The following ESRRA variants were observed in gnomAD, a reference collection of about 807,000 sequenced individuals.
ESRRA encodes estrogen related receptor alpha.
Under a neutral mutation model 35.6 loss-of-function variants are expected in ESRRA, and 7 were observed. The ratio of observed to expected loss-of-function variants is 0.20; its 90% confidence interval spans 0.11 to 0.37. The LOEUF is 0.37. Ranked by LOEUF, ESRRA falls within the 10% of genes least tolerant of loss-of-function variation. ESRRA has a pLI of 1.00. For missense variants in ESRRA, 378 were observed against 561.7 expected, an observed-to-expected ratio of 0.67 and a Z score of 3.31; for synonymous variants, 223 against 246.9, an observed-to-expected ratio of 0.90 and a Z score of 0.91.
intron 2 of ESRRA, among the ~76,000 whole-genome samples, chr11:64,308,504 C>A: frequency 8.4e-6 from 1 of 119,018 alleles, no homozygotes; most frequent in Non-Finnish European, 1.7e-5. Context: ...GCCTGGGTGA[C>A]AGAGCGAGAT....
intron 4 of ESRRA, 110 bp from the exon 5 acceptor site, chr11:64,314,631 G>T: frequency 8.8e-7 from 1 of 1,136,288 alleles, no homozygotes; most frequent in South Asian, 1.5e-5. Flanking sequence ...GAAGTCACTG[G>T]ACAGCTGCTA....
At chr11:64,310,754 GC>G (rs2135253894) in intron 2 of ESRRA, among the ~76,000 whole-genome samples, 1 of 151,868 alleles carries the variant, frequency 6.6e-6, no homozygotes, top group South Asian at 2.1e-4. Flanking sequence ...CACCATGTTG[GC>G]CAGGCTGGCC....
In ESRRA at chr11:64,316,097, C is replaced by A. The variant is rs2035253442; in HGVS notation, c.*131C>A. 28 of 1,142,924 alleles carry A rather than the reference C, an allele frequency of 2.4e-5. No individual in the cohort carries two copies. In the South Asian group the frequency reaches 4.2e-4, roughly 17 times the overall value. 70.8% of individuals were successfully genotyped at this position (1,142,924 alleles called of 1,614,324 possible). A position where few individuals can be genotyped will look rare whatever the true frequency, so the allele number is the denominator to read the frequency against. ...GCAGGGCCAGGGCAATGCCATCAGCCCCTGGGAACAGGCCCCACGCCCTCT... is the reference window on the plus strand; with the variant it reads ...GCAGGGCCAGGGCAATGCCATCAGCACCTGGGAACAGGCCCCACGCCCTCT... On this transcript the variant is annotated 3_prime_UTR_variant, in exon 7 of 7. Coordinates refer to ENST00000000442, the MANE Select transcript of ESRRA (RefSeq NM_004451.5).
At position 64,305,928 on chromosome 11, in the gene ESRRA, C is replaced by T. The variant is rs1292826455; in HGVS notation, c.-13+192C>T. Among the ~76,000 whole-genome samples, 2 of 152,082 alleles carry T rather than the reference C, an allele frequency of 1.3e-5. No homozygotes were observed. The highest frequency in any genetic ancestry group is 2.4e-5 in the African/African-American group (1 of 41,412). ...TCAGGCGGGATCCGGCGTCCGAGTC[C>T]TGGTGGGCCGGCCTGGGGCAGGATC... On this transcript the variant is annotated intron_variant, in intron 1 of 6. Coordinates refer to ENST00000000442, the MANE Select transcript of ESRRA (RefSeq NM_004451.5). This position sits in a 1 kb window ranked among gnomAD's most constrained non-coding sequence, Gnocchi z 5.8.
At position 64,313,686 on chromosome 11, in the gene ESRRA, C is replaced by T. The variant is rs868161562; in HGVS notation, c.326-265C>T. 6 of 398,786 alleles carry T rather than the reference C, an allele frequency of 1.5e-5. No homozygotes were observed. The highest frequency in any genetic ancestry group is 4.0e-5 in the East Asian group (1 of 24,908). The allele number at this position is 398,786 out of a possible 1,614,324, so 24.7% of individuals were successfully genotyped here. A position where few individuals can be genotyped will look rare whatever the true frequency, so the allele number is the denominator to read the frequency against. On this transcript the variant is annotated intron_variant, in intron 2 of 6. Coordinates refer to ENST00000000442, the MANE Select transcript of ESRRA (RefSeq NM_004451.5). This position sits in a 1 kb window ranked among gnomAD's most constrained non-coding sequence, Gnocchi z 4.0. ...CAGAGGTCCTTGTGGCCCTTGATGT[C>T]GGCAGATGAGGGCAGTGTGGTCCAG...
rs1355941105 is a variant in ESRRA at position 64,307,376 on chromosome 11, G to A, written c.197G>A (p.Gly66Asp). The A allele has an allele frequency of 1.2e-6, 2 of 1,604,288 alleles. No individual in the cohort carries two copies. The highest frequency in any genetic ancestry group is 2.7e-5 in the African/African-American group (2 of 74,770). The change falls in exon 2 of 7, where the codon GGT (glycine) becomes GAT (aspartate). Residue 66 changes from glycine (G) to aspartate (D), a missense_variant. Physicochemically the swap from Gly to Asp is moderately conservative, Grantham distance 94. Transcript: ENST00000000442. ...GEGAGPGEQGGGKLVLSSLPK... is the reference protein window; with the variant it reads ...GEGAGPGEQGDGKLVLSSLPK... The stretch of plus-strand genomic sequence containing the variant: ...GGGGCTGGGCCTGGCGAGCAGGGCG[G>A]TGGGAAGCTGGTGCTCAGCTCCCTG...
chr11:64,314,227 C>T lies in ESRRA; in HGVS notation c.443-12C>T. ...CACCACAGTCACAGTCCTATCTGTC[C>T]CACAATTCAAGGAGTGCGCCTGGAC... On this transcript the variant is annotated splice_polypyrimidine_tract_variant and intron_variant, in intron 3 of 6. Transcript: ENST00000000442. 1 of 1,605,392 alleles carries T rather than the reference C, an allele frequency of 6.2e-7. No individual in the cohort carries two copies. Among genetic ancestry groups the T allele is most frequent in the South Asian group, 1.1e-5 (1 of 90,018 alleles).
Position 64,314,223 on chromosome 11 carries a change from T to C in ESRRA, c.443-16T>C, listed in dbSNP as rs1198655404. 1.9e-6 allele frequency: 3 copies of C among 1,604,114 alleles called. No individual in the cohort carries two copies. The highest frequency in any genetic ancestry group is 1.7e-6 in the Non-Finnish European group (2 of 1,176,032). On this transcript the variant is annotated splice_polypyrimidine_tract_variant and intron_variant, in intron 3 of 6. Transcript: ENST00000000442. ...ACAGCACCACAGTCACAGTCCTATC[T>C]GTCCCACAATTCAAGGAGTGCGCCT...
chr11:64,310,536 G>GTTTTTTTTTT (rs1185768710), intron 2 of ESRRA, among the ~76,000 whole-genome samples: 1 of 100,496 alleles, frequency 1.0e-5, no homozygotes, highest in African/African-American at 4.0e-5. Flanking sequence ...TCCTGGCCAG[G>GTTTTTTTTTT]TTTTTTTTTT....
intron 2 of ESRRA, among the ~76,000 whole-genome samples, chr11:64,310,383 C>T (rs761055404): frequency 3.9e-4 from 58 of 150,320 alleles, no homozygotes; most frequent in Non-Finnish European, 6.2e-4. Context: ...TACAGGTGCC[C>T]GCCACCACGC....
At position 64,313,692 on chromosome 11, in the gene ESRRA, A is replaced by G; in HGVS notation, c.326-259A>G. ...TCCTTGTGGCCCTTGATGTCGGCAG[A>G]TGAGGGCAGTGTGGTCCAGAGATGA... On this transcript the variant is annotated intron_variant, in intron 2 of 6. Transcript: ENST00000000442. This position sits in a 1 kb window ranked among gnomAD's most constrained non-coding sequence, Gnocchi z 4.0. The G allele has an allele frequency of 2.4e-6, 1 of 413,426 alleles. No individual in the cohort carries two copies. The highest frequency in any genetic ancestry group is 4.3e-6 in the Non-Finnish European group (1 of 230,690). 25.6% of individuals were successfully genotyped at this position (413,426 alleles called of 1,614,324 possible).
Position 64,313,691 on chromosome 11 carries a change from G to T in ESRRA, c.326-260G>T, listed in dbSNP as rs190389052. The stretch of plus-strand genomic sequence containing the variant: ...GTCCTTGTGGCCCTTGATGTCGGCA[G>T]ATGAGGGCAGTGTGGTCCAGAGATG... On this transcript the variant is annotated intron_variant, in intron 2 of 6. Transcript: ENST00000000442. This position sits in a 1 kb window ranked among gnomAD's most constrained non-coding sequence, Gnocchi z 4.0. 4.2e-4 allele frequency: 175 copies of T among 413,118 alleles called. No individual in the cohort carries two copies. The highest frequency in any genetic ancestry group is 2.6e-3 in the East Asian group (67 of 25,908). The allele number at this position is 413,118 out of a possible 1,614,324, so 25.6% of individuals were successfully genotyped here.
In ESRRA at chr11:64,313,915, G is replaced by A; in HGVS notation, c.326-36G>A. On this transcript the variant is annotated intron_variant, in intron 2 of 6. Transcript: ENST00000000442. The surrounding 1 kb of genome is among the most constrained non-coding windows in gnomAD (Gnocchi z 4.0). ...TCAGCTGGGTCCCCTCCCAGCCCCG[G>A]GAGGCCGCCACTGGAGCCCTGCCTC... 2 of 1,467,190 alleles carry A rather than the reference G, an allele frequency of 1.4e-6. No individual in the cohort carries two copies. The highest frequency in any genetic ancestry group is 2.5e-5 in the East Asian group (1 of 40,444). 90.9% of individuals were successfully genotyped at this position (1,467,190 alleles called of 1,614,324 possible).
At position 64,316,312 on chromosome 11, in the gene ESRRA, C is replaced by T; in HGVS notation, c.*346C>T. ...GGAAGGGGATGGAGGCCAGAGTCTC[C>T]CAGTGGGTGATGCTTTTGCTGCTGC... On this transcript the variant is annotated 3_prime_UTR_variant, in exon 7 of 7. Transcript: ENST00000000442. 3.8e-6 allele frequency: 1 copy of T among 263,648 alleles called. No individual in the cohort carries two copies. Among genetic ancestry groups the T allele is most frequent in the Non-Finnish European group, 7.4e-6 (1 of 135,750 alleles). 16.3% of individuals were successfully genotyped at this position (263,648 alleles called of 1,614,324 possible).
At chr11:64,311,873 C>T (rs2035146519) in intron 2 of ESRRA, among the ~76,000 whole-genome samples, 2 of 151,430 alleles carry the variant, frequency 1.3e-5, no homozygotes, top group South Asian at 4.2e-4. Context: ...TTAGTAGAGA[C>T]AGGGTTTCAC....
chr11:64,315,408 A>C, intron 6 of ESRRA, 138 bp downstream of exon 6: 1 of 1,113,324 alleles, frequency 9.0e-7, no homozygotes, highest in Non-Finnish European at 1.2e-6. Context: ...TAGAAGTCAA[A>C]AAGCAAGCCA....
intron 2 of ESRRA, among the ~76,000 whole-genome samples, chr11:64,311,888 T>C (rs188840262): frequency 2.8e-4 from 43 of 151,656 alleles, no homozygotes; most frequent in Non-Finnish European, 5.2e-4. Flanking sequence ...TTTCACCGTG[T>C]TGGTCAGGCT....
chr11:64,316,117 C>A lies in ESRRA; in HGVS notation c.*151C>A. On this transcript the variant is annotated 3_prime_UTR_variant, in exon 7 of 7. Transcript: ENST00000000442. The stretch of plus-strand genomic sequence containing the variant: ...TCAGCCCCTGGGAACAGGCCCCACG[C>A]CCTCTCCTCCCCCTCCTAGGGGGTG... The A allele has an allele frequency of 1.1e-6, 1 of 870,338 alleles. No homozygotes were observed. The highest frequency in any genetic ancestry group is 1.7e-6 in the Non-Finnish European group (1 of 571,434). The allele number at this position is 870,338 out of a possible 1,614,324, so 53.9% of individuals were successfully genotyped here. A position where few individuals can be genotyped will look rare whatever the true frequency, so the allele number is the denominator to read the frequency against.
Position 64,316,574 on chromosome 11 carries a change from A to C in ESRRA, c.*608A>C. Reference sequence around the variant, plus strand: ...CTATGCCCTGCAGAGCAATAACACTATATTTATTTTTGGGTTTGGCCAGGG... The same window carrying C: ...CTATGCCCTGCAGAGCAATAACACTCTATTTATTTTTGGGTTTGGCCAGGG... On this transcript the variant is annotated 3_prime_UTR_variant, in exon 7 of 7. Coordinates refer to ENST00000000442, the MANE Select transcript of ESRRA (RefSeq NM_004451.5). 1 of 364,972 alleles carries C rather than the reference A, an allele frequency of 2.7e-6. No homozygotes were observed. The allele number at this position is 364,972 out of a possible 1,614,324, so 22.6% of individuals were successfully genotyped here. A position where few individuals can be genotyped will look rare whatever the true frequency, so the allele number is the denominator to read the frequency against.
Sources: allele counts gnomAD v4.1 joint callset (sites outside exome capture counted in the v4.1 genomes callset), GRCh38; gene constraint gnomAD v4.1.1; non-coding constraint Gnocchi (gnomAD v3.1); transcripts MANE v1.5; gene names NCBI Gene and HGNC (gene_info 2026-07-23, HGNC 2026-07-21).